B4GALT6: variants seen among roughly 807,000 people sequenced by gnomAD.
B4GALT6 encodes the protein beta-1,4-galactosyltransferase 6.
B4GALT6 carries 14 observed loss-of-function variants against 46.3 expected under a neutral mutation model. That is an observed-to-expected ratio of 0.30 (90% CI 0.20 to 0.47). The LOEUF is 0.47. Ranked by LOEUF, B4GALT6 falls within the 20% of genes least tolerant of loss-of-function variation. The pLI is 0.99. For missense variants in B4GALT6, 386 were observed against 480.1 expected, an observed-to-expected ratio of 0.80 and a Z score of 1.83; for synonymous variants, 168 against 162.0, an observed-to-expected ratio of 1.04 and a Z score of -0.28.
chr18:31,719,708 G>A, the B4GALT6 span, among the ~76,000 whole-genome samples: 3 of 152,182 alleles, frequency 2.0e-5, no homozygotes, highest in Non-Finnish European at 4.4e-5. Flanking sequence ...GCGAGTAGGG[G>A]TAGGGTAAGT....
At chr18:31,718,190 T>A in the B4GALT6 span, among the ~76,000 whole-genome samples, 2 of 152,012 alleles carry the variant, frequency 1.3e-5, no homozygotes, top group Non-Finnish European at 2.9e-5. Flanking sequence ...TCAACAGAGG[T>A]GATTTGTCCC....
the B4GALT6 span, among the ~76,000 whole-genome samples, chr18:31,721,959 A>C: frequency 6.7e-3 from 1,019 of 152,056 alleles, 14 homozygotes; most frequent in African/African-American, 0.023. Context: ...TACACTTGGC[A>C]GTATCTATCA....
At chr18:31,698,797 C>T in the B4GALT6 span, among the ~76,000 whole-genome samples, 2 of 151,928 alleles carry the variant, frequency 1.3e-5, no homozygotes, top group African/African-American at 4.8e-5. Flanking sequence ...AGGCCGGGCA[C>T]AGTGACTCAT....
chr18:31,707,703 T>C, the B4GALT6 span, among the ~76,000 whole-genome samples: 1 of 152,050 alleles, frequency 6.6e-6, no homozygotes, highest in African/African-American at 2.4e-5. Flanking sequence ...ATTTTAAAAA[T>C]TTCCCCCCCA....
chr18:31,638,863 C>T (rs747886224), intron 4 of B4GALT6, 103 bp from the exon 5 acceptor site: 14 of 921,386 alleles, frequency 1.5e-5, no homozygotes, highest in Admixed American at 4.5e-5. Context: ...TTTAAAGCCA[C>T]GTCCTTATGA....
upstream of B4GALT6, chr18:31,684,811 C>G: frequency 2.9e-6 from 3 of 1,020,144 alleles, no homozygotes; most frequent in Non-Finnish European, 3.5e-6. Context: ...CGCGCCGCGG[C>G]GCCCCTGCGG....
chr18:31,715,692 A>G, the B4GALT6 span, among the ~76,000 whole-genome samples: 1 of 151,568 alleles, frequency 6.6e-6, no homozygotes, highest in Non-Finnish European at 1.5e-5. Context: ...CTGGGATTAC[A>G]GGCATGTGAC....
At chr18:31,702,067 A>G in the B4GALT6 span, among the ~76,000 whole-genome samples, 1 of 152,186 alleles carries the variant, frequency 6.6e-6, no homozygotes, top group African/African-American at 2.4e-5. Flanking sequence ...ACTACATGGA[A>G]AGTTGTTGTA....
intron 3 of B4GALT6, among the ~76,000 whole-genome samples, chr18:31,652,421 G>A (rs570526977): frequency 7.2e-5 from 11 of 151,742 alleles, no homozygotes; most frequent in Admixed American, 2.0e-4. Context: ...TTCCTGCCTC[G>A]CCCCCCAGAC....
chr18:31,644,438 GT>G (rs918807615), intron 4 of B4GALT6, among the ~76,000 whole-genome samples: 11 of 151,406 alleles, frequency 7.3e-5, no homozygotes, highest in African/African-American at 2.2e-4. Context: ...CCTACTAGTG[GT>G]TTTTTTTGGG....
At chr18:31,627,587 A>T (rs1275779507) in intron 6 of B4GALT6, among the ~76,000 whole-genome samples, 1 of 152,212 alleles carries the variant, frequency 6.6e-6, no homozygotes. Flanking sequence ...TCTAGCATTT[A>T]ATTGTCTAGC....
chr18:31,689,833 T>C (rs2030050955), upstream of B4GALT6, among the ~76,000 whole-genome samples: 2 of 152,162 alleles, frequency 1.3e-5, no homozygotes, highest in African/African-American at 2.4e-5. Context: ...TCTTGGCACC[T>C]ATGTAACCCA....
intron 5 of B4GALT6, among the ~76,000 whole-genome samples, chr18:31,633,360 G>C (rs1035355587): frequency 4.6e-5 from 7 of 152,150 alleles, no homozygotes; most frequent in Non-Finnish European, 5.9e-5. Context: ...AAGCGGAGGA[G>C]AGACTTACAT....
At chr18:31,679,628 G>T (rs1227104389) in intron 1 of B4GALT6, among the ~76,000 whole-genome samples, 2 of 152,158 alleles carry the variant, frequency 1.3e-5, no homozygotes, top group Non-Finnish European at 2.9e-5. Flanking sequence ...TGTGTTGGAG[G>T]ATAAATAAAT....
Position 31,666,323 on chromosome 18 carries a change from TTC to T in B4GALT6, c.163_164del (p.Glu55LysfsTer15). 6.2e-7 allele frequency: 1 copy of T among 1,611,030 alleles called. No individual in the cohort carries two copies. The highest frequency in any genetic ancestry group is 1.3e-5 in the African/African-American group (1 of 74,994). ...MVQARGIMLR[E>X]NVKTIGHMIR... ...TCATATGACCTATTGTTTTCACATT[TTC>T]TCTCAACATTATACCTCGAGCTTGT... On this transcript the variant is annotated frameshift_variant, in exon 2 of 9. Coordinates refer to ENST00000306851, the MANE Select transcript of B4GALT6 (RefSeq NM_004775.5). LOFTEE classifies it high-confidence loss of function.
rs1228796863 is a variant in B4GALT6, at chr18:31,684,064, A to G, written c.115+248T>C. ...CCCGGGCCATCACACTAATTTTGCT[A>G]CGTCTATTTAATGCAATCTTTTACG... On this transcript the variant is annotated intron_variant, in intron 1 of 8. Coordinates refer to ENST00000306851, the MANE Select transcript of B4GALT6 (RefSeq NM_004775.5). Among the ~76,000 whole-genome samples, 3 of 152,234 alleles carry G rather than the reference A, an allele frequency of 2.0e-5. No individual in the cohort carries two copies. In the East Asian group the frequency reaches 5.8e-4, roughly 29 times the overall value.
the B4GALT6 span, among the ~76,000 whole-genome samples, chr18:31,699,649 A>G: frequency 6.6e-6 from 1 of 150,842 alleles, no homozygotes; most frequent in Admixed American, 6.6e-5. Flanking sequence ...AAAAAAAAAA[A>G]AAAAAAAAAC....
At chr18:31,630,921 T>C (rs753270681) in intron 6 of B4GALT6, 38 bp downstream of exon 6, 1 of 1,598,148 alleles carries the variant, frequency 6.3e-7, no homozygotes, top group Non-Finnish European at 8.6e-7. Flanking sequence ...ACTGTGCAAT[T>C]ATATCGTACA....
At chr18:31,718,486 C>A in the B4GALT6 span, among the ~76,000 whole-genome samples, 1 of 152,300 alleles carries the variant, frequency 6.6e-6, no homozygotes, top group Non-Finnish European at 1.5e-5. Context: ...CTCCATAAAT[C>A]CCAGTGGCAA....
Sources: gnomAD v4.1 joint callset for allele counts (sites outside exome capture counted in the v4.1 genomes callset) on GRCh38, gnomAD v4.1.1 for gene constraint, MANE v1.5 for transcripts, NCBI Gene and HGNC (gene_info 2026-07-23, HGNC 2026-07-21) for gene names.